Variants in HERC1 observed in about 807,000 individuals in gnomAD.
HERC1 encodes the protein HECT and RLD domain containing E3 ubiquitin protein ligase family member 1, also known as probable E3 ubiquitin-protein ligase HERC1.
Under a neutral mutation model 554.3 loss-of-function variants are expected in HERC1, and 160 were observed. That is an observed-to-expected ratio of 0.29 (90% confidence interval 0.25 to 0.33). HERC1 has a LOEUF of 0.33. Among genes scored for constraint, HERC1 ranks in the 10% least tolerant of loss-of-function variants. The pLI is 1.00. For synonymous variants in HERC1, 2,175 were observed against 2,131.7 expected, an observed-to-expected ratio of 1.02 and a Z score of -0.56; for missense variants, 4,919 against 5,918.5, an observed-to-expected ratio of 0.83 and a Z score of 5.54.
At chr15:63,740,136 C>T (rs959557621) in intron 12 of HERC1, among the ~76,000 whole-genome samples, 1 of 152,120 alleles carries the variant, frequency 6.6e-6, no homozygotes. Flanking sequence ...TCTCAAACTC[C>T]TGGACTCAAG....
At position 63,652,508 on chromosome 15, in the gene HERC1, G is replaced by A; in HGVS notation, c.10324C>T (p.Leu3442Phe). ...CCATCATTGCCACTTGTAGCCAAAA[G>A]ACCTTTTTTATTACACCAAACACAT... The part of the protein sequence containing the change: ...MTCVWCNKKG[L>F]LATSGNDGTI... The change falls in exon 52 of 78, where the codon CTT becomes TTT. Residue 3442 changes from leucine (L) to phenylalanine (F), a missense_variant. By Grantham distance (22) the Leu-to-Phe change is conservative. This residue lies in a region of HERC1 where 1,963 missense variants were observed against 2,228.6 expected (regional missense o/e 0.88). Coordinates refer to ENST00000443617, the MANE Select transcript of HERC1 (RefSeq NM_003922.4). 6.2e-7 allele frequency: 1 copy of A among 1,603,894 alleles called. No individual in the cohort carries two copies.
intron 65 of HERC1, 78 bp from the exon 66 acceptor site, chr15:63,634,966 A>G: frequency 1.0e-6 from 1 of 1,000,818 alleles, no homozygotes; most frequent in Non-Finnish European, 1.5e-6. Flanking sequence ...TTTTGGTATT[A>G]ATATAGCAAT....
intron 1 of HERC1, among the ~76,000 whole-genome samples, chr15:63,805,291 C>A (rs569977411): frequency 6.6e-6 from 1 of 152,178 alleles, no homozygotes; most frequent in Admixed American, 6.5e-5. Context: ...TTATTCATTA[C>A]AAGCAAAATG....
At chr15:63,818,078 T>A (rs750500826) in intron 1 of HERC1, among the ~76,000 whole-genome samples, 7 of 152,150 alleles carry the variant, frequency 4.6e-5, no homozygotes, top group Non-Finnish European at 8.8e-5. Flanking sequence ...TAAGCTCTCC[T>A]ATATAATAAT....
At chr15:63,732,843 G>T in intron 14 of HERC1, 81 bp downstream of exon 14, 2 of 884,070 alleles carry the variant, frequency 2.3e-6, no homozygotes, top group South Asian at 3.0e-5. Context: ...TCTATCATAG[G>T]TGTTTAAATG....
rs1567095261 is a variant in HERC1, at chr15:63,758,617, C to A, written c.1027-248G>T. ...TAGCTAAACATTTTATTACTGCATA[C>A]AAAACACTGTAGAAAAACAAAGCTT... On this transcript the variant is annotated intron_variant, in intron 3 of 77. Transcript: ENST00000443617. This position sits in a 1 kb window ranked among gnomAD's most constrained non-coding sequence, Gnocchi z 4.0. Among the ~76,000 whole-genome samples, 2 of 152,040 alleles carry A rather than the reference C, an allele frequency of 1.3e-5. No individual in the cohort carries two copies.
chr15:63,678,481 G>C lies in HERC1; in HGVS notation c.6550-116C>G. 3.3e-6 allele frequency: 4 copies of C among 1,221,674 alleles called. No individual in the cohort carries two copies. The South Asian group carries it at 6.6e-5, about 20-fold the overall frequency. The allele number at this position is 1,221,674 out of a possible 1,614,324, so 75.7% of individuals were successfully genotyped here. A position where few individuals can be genotyped will look rare whatever the true frequency, so the allele number is the denominator to read the frequency against. On this transcript the variant is annotated intron_variant, in intron 36 of 77. Coordinates refer to ENST00000443617, the MANE Select transcript of HERC1 (RefSeq NM_003922.4). The stretch of plus-strand genomic sequence containing the variant: ...CTAGTATTTGGGTCTCTTCATACAT[G>C]TGAATTATACCAACTGGCCCCCAAA...
rs1193821089 is a variant in HERC1 at position 63,663,187 on chromosome 15, C to T, written c.8698G>A (p.Val2900Met). 1 of 1,613,988 alleles carries T rather than the reference C, an allele frequency of 6.2e-7. No individual in the cohort carries two copies. Among genetic ancestry groups the T allele is most frequent in the South Asian group, 1.1e-5 (1 of 91,084 alleles). The change falls in exon 44 of 78, where the codon GTG becomes ATG. Residue 2900 changes from valine to methionine, a missense_variant. By Grantham distance (21) the Val-to-Met change is conservative. Coordinates refer to ENST00000443617, the MANE Select transcript of HERC1 (RefSeq NM_003922.4). ...LARAAGLYRS[V>M]QAHRNQSRRE... ...CGACTTTGATTCCTGTGGGCCTGCACAGAGCGGTATAATCCCGCTCAGAAC... is the reference window on the plus strand; with the variant it reads ...CGACTTTGATTCCTGTGGGCCTGCATAGAGCGGTATAATCCCGCTCAGAAC...
At chr15:63,720,874 T>A (rs1164071514) in intron 19 of HERC1, among the ~76,000 whole-genome samples, 5 of 152,248 alleles carry the variant, frequency 3.3e-5, no homozygotes, top group Admixed American at 2.6e-4. Flanking sequence ...ATGCCATTTT[T>A]AAAATAATGG....
At chr15:63,725,250 CAA>C (rs2073993112) in intron 18 of HERC1, 40 bp downstream of exon 18, 1 of 1,540,850 alleles carries the variant, frequency 6.5e-7, no homozygotes, top group Non-Finnish European at 8.9e-7. Flanking sequence ...AACTGAGGTA[CAA>C]ACAGGCATGT....
intron 21 of HERC1, 149 bp from the exon 22 acceptor site, chr15:63,716,622 T>C (rs2073566729): frequency 1.7e-6 from 1 of 597,916 alleles, no homozygotes. Flanking sequence ...AAAGATACAC[T>C]AGATAAATCT....
chr15:63,705,325 T>C (rs537841296), intron 25 of HERC1, among the ~76,000 whole-genome samples: 7 of 151,892 alleles, frequency 4.6e-5, no homozygotes, highest in Non-Finnish European at 2.9e-5. Flanking sequence ...AGCTTTTTTT[T>C]TTCTTTTTGG....
chr15:63,666,327 A>G (rs1185023353), intron 41 of HERC1, 29 bp downstream of exon 41: 4 of 1,478,438 alleles, frequency 2.7e-6, no homozygotes, highest in Non-Finnish European at 3.8e-6. Flanking sequence ...TCATATCTGT[A>G]TACACTGATA....
intron 74 of HERC1, among the ~76,000 whole-genome samples, chr15:63,618,318 T>C (rs1302888542): frequency 1.3e-5 from 2 of 152,226 alleles, no homozygotes; most frequent in South Asian, 2.1e-4. Context: ...GTTGTAGATA[T>C]GCGGCATTAT....
intron 39 of HERC1, among the ~76,000 whole-genome samples, chr15:63,670,342 G>T (rs1003995061): frequency 1.3e-5 from 2 of 152,104 alleles, no homozygotes; most frequent in Admixed American, 1.3e-4. Flanking sequence ...GAGAAATGTG[G>T]ACAGCAGTCA....
At chr15:63,620,168 T>G (rs1421616566) in intron 74 of HERC1, among the ~76,000 whole-genome samples, 1 of 152,196 alleles carries the variant, frequency 6.6e-6, no homozygotes, top group African/African-American at 2.4e-5. Context: ...GCTTTGAATG[T>G]GTCCCAGAGA....
At chr15:63,640,715 T>G (rs2069009797) in intron 60 of HERC1, among the ~76,000 whole-genome samples, 1 of 152,218 alleles carries the variant, frequency 6.6e-6, no homozygotes, top group Non-Finnish European at 1.5e-5. Flanking sequence ...CAATACTAAC[T>G]AAACCACAGA....
chr15:63,669,531 C>T lies in HERC1; in HGVS notation c.8206+7G>A, dbSNP rs773391783. The T allele has an allele frequency of 1.2e-6, 2 of 1,613,448 alleles. No homozygotes were observed. The highest frequency in any genetic ancestry group is 8.5e-7 in the Non-Finnish European group (1 of 1,179,426). ...TTGGATATCATAGTGCATATCAGCA[C>T]ACGCACCTGTGCGGTTAGCTGGCCT... On this transcript the variant is annotated splice_region_variant and intron_variant, in intron 40 of 77. Coordinates refer to ENST00000443617, the MANE Select transcript of HERC1 (RefSeq NM_003922.4).
chr15:63,710,149 G>A (rs1196183031), intron 24 of HERC1, among the ~76,000 whole-genome samples: 1 of 152,204 alleles, frequency 6.6e-6, no homozygotes, highest in African/African-American at 2.4e-5. Flanking sequence ...AGTAGGCAGT[G>A]CAGTCACTCC....
Sources: allele counts gnomAD v4.1 joint callset (sites outside exome capture counted in the v4.1 genomes callset), GRCh38; gene constraint gnomAD v4.1.1; regional missense constraint gnomAD v4.1.1; non-coding constraint Gnocchi (gnomAD v3.1); transcripts MANE v1.5; gene names NCBI Gene and HGNC (gene_info 2026-07-23, HGNC 2026-07-21).